COL19A1: variants seen among roughly 807,000 people sequenced by gnomAD.
The protein encoded by COL19A1 is collagen alpha-1(XIX) chain.
Under a neutral mutation model 190.2 loss-of-function variants are expected in COL19A1, and 159 were observed. The observed-to-expected ratio is 0.84, with a 90% CI of 0.73 to 0.95. The LOEUF (loss-of-function observed/expected upper bound fraction) is 0.95. COL19A1 is among the 40% of genes least tolerant of loss of function. The pLI is 0.00. For synonymous variants in COL19A1, 509 were observed against 458.9 expected (o/e 1.11, Z -1.39); for missense variants, 1,418 against 1,431.9 (o/e 0.99, Z 0.16).
chr6:69,982,521 G>A (rs1776093033), intron 11 of COL19A1, among the ~76,000 whole-genome samples: 1 of 151,846 alleles, frequency 6.6e-6, no homozygotes, highest in Admixed American at 6.6e-5. Context: ...TTACAGGGGT[G>A]AGCCACTGCA....
At chr6:70,142,667 A>G in intron 22 of COL19A1, 100 bp from the exon 23 acceptor site, 2 of 1,007,146 alleles carry the variant, frequency 2.0e-6, no homozygotes, top group Admixed American at 2.4e-5. Context: ...TGGTCTTCCT[A>G]TACATGAAGA....
intron 2 of COL19A1, among the ~76,000 whole-genome samples, chr6:69,884,427 A>G (rs1406716448): frequency 6.6e-6 from 1 of 152,200 alleles, no homozygotes; most frequent in Non-Finnish European, 1.5e-5. Context: ...ATGCCTAGCA[A>G]TACAATAGGA....
At chr6:70,146,525 C>T (rs967345950) in intron 25 of COL19A1, 134 bp from the exon 26 acceptor site, 10 of 514,224 alleles carry the variant, frequency 1.9e-5, no homozygotes, top group South Asian at 1.8e-4. Flanking sequence ...TTTTACTCCC[C>T]GTTCCTTATT....
At chr6:70,065,858 A>G (rs899733936) in intron 14 of COL19A1, among the ~76,000 whole-genome samples, 6 of 152,260 alleles carry the variant, frequency 3.9e-5, no homozygotes, top group African/African-American at 1.2e-4. Context: ...ACATGAAAAA[A>G]TGCTCATCAT....
chr6:70,063,743 A>G (rs2150144885), intron 14 of COL19A1, among the ~76,000 whole-genome samples: 1 of 152,066 alleles, frequency 6.6e-6, no homozygotes, highest in Non-Finnish European at 1.5e-5. Flanking sequence ...AGCAAGACTA[A>G]TAAAGAAGAG....
At chr6:69,923,899 C>G (rs1406942063) in intron 4 of COL19A1, among the ~76,000 whole-genome samples, 1 of 152,154 alleles carries the variant, frequency 6.6e-6, no homozygotes, top group Non-Finnish European at 1.5e-5. Flanking sequence ...GGGTGTTTAA[C>G]TATTCAATCA....
intron 16 of COL19A1, among the ~76,000 whole-genome samples, chr6:70,109,848 A>G (rs1167153526): frequency 2.4e-4 from 37 of 152,018 alleles, no homozygotes; most frequent in Admixed American, 2.4e-3. Flanking sequence ...CTTTTTCCCC[A>G]CAGCTAAATC....
chr6:69,897,458 TACACACACACAC>T (rs71760023), intron 2 of COL19A1, among the ~76,000 whole-genome samples: 1 of 145,232 alleles, frequency 6.9e-6, no homozygotes, highest in African/African-American at 2.7e-5. Flanking sequence ...TTGTCAGTTT[TACACACACACAC>T]ACACACACAC....
chr6:70,069,747 G>A (rs1325573378), intron 15 of COL19A1, among the ~76,000 whole-genome samples: 1 of 152,080 alleles, frequency 6.6e-6, no homozygotes, highest in Non-Finnish European at 1.5e-5. Context: ...TCTTCACCCA[G>A]CCCGTTGTTG....
chr6:70,136,299 A>T (rs1785867922), intron 18 of COL19A1, among the ~76,000 whole-genome samples: 1 of 152,178 alleles, frequency 6.6e-6, no homozygotes. Context: ...AGGCTTCAAA[A>T]TGAACAATTA....
At chr6:69,955,316 G>A (rs1036856945) in intron 9 of COL19A1, among the ~76,000 whole-genome samples, 2 of 151,798 alleles carry the variant, frequency 1.3e-5, no homozygotes, top group Non-Finnish European at 2.9e-5. Context: ...AAATTACTTG[G>A]GTTTTCTTTT....
intron 14 of COL19A1, among the ~76,000 whole-genome samples, chr6:70,046,050 A>G (rs1189953340): frequency 1.3e-5 from 2 of 152,176 alleles, no homozygotes; most frequent in African/African-American, 4.8e-5. Flanking sequence ...GCCATCCTGG[A>G]AGCCCATTTT....
chr6:70,188,051 T>A (rs769938516), intron 46 of COL19A1, 24 bp from the exon 47 acceptor site: 5 of 1,611,912 alleles, frequency 3.1e-6, no homozygotes, highest in Non-Finnish European at 4.2e-6. Context: ...AGATTATTCT[T>A]TGTTATTATT....
intron 28 of COL19A1, 36 bp downstream of exon 28, chr6:70,149,775 C>G (rs748359486): frequency 6.2e-7 from 1 of 1,613,408 alleles, no homozygotes; most frequent in African/African-American, 1.3e-5. Flanking sequence ...CACAGCAAAG[C>G]CAGCTTGCTT....
intron 18 of COL19A1, among the ~76,000 whole-genome samples, chr6:70,134,774 TACTTCTATGA>T (rs986453952): frequency 6.6e-6 from 1 of 152,160 alleles, no homozygotes; most frequent in Non-Finnish European, 1.5e-5. Flanking sequence ...CAGCACAAAA[TACTTCTATGA>T]CCAAATACAT....
At chr6:69,903,753 T>G (rs778435279) in intron 4 of COL19A1, among the ~76,000 whole-genome samples, 5 of 152,220 alleles carry the variant, frequency 3.3e-5, no homozygotes, top group Non-Finnish European at 7.3e-5. Context: ...TGTGGTCACA[T>G]GCACATCTAG....
At chr6:70,190,431 C>G in intron 48 of COL19A1, 50 bp downstream of exon 48, 1 of 1,216,630 alleles carries the variant, frequency 8.2e-7, no homozygotes, top group Non-Finnish European at 1.2e-6. Context: ...TTCCCACCTC[C>G]CACCTACTAT....
intron 11 of COL19A1, among the ~76,000 whole-genome samples, chr6:69,988,605 T>G (rs1359126772): frequency 6.6e-6 from 1 of 152,194 alleles, no homozygotes; most frequent in Non-Finnish European, 1.5e-5. Flanking sequence ...AGTTCTGTGC[T>G]AGATGCTCTG....
chr6:70,179,965 CT>C (rs527731373), intron 42 of COL19A1, among the ~76,000 whole-genome samples: 109 of 152,274 alleles, frequency 7.2e-4, no homozygotes, highest in Middle Eastern at 3.4e-3. Context: ...TCACTGCAAC[CT>C]CCGCCTCCTG....
Sources: gnomAD v4.1 joint callset for allele counts (sites outside exome capture counted in the v4.1 genomes callset) on GRCh38, gnomAD v4.1.1 for gene constraint, MANE v1.5 for transcripts, NCBI Gene and HGNC (gene_info 2026-07-23, HGNC 2026-07-21) for gene names.